Variants in PTGR3 observed in about 807,000 individuals in gnomAD.
PTGR3 encodes prostaglandin reductase 3, also known as zinc binding alcohol dehydrogenase domain containing 2.
At chr18:75,201,263 G>A in the PTGR3 span, 34 of 632,732 alleles carry the variant, frequency 5.4e-5, no homozygotes, top group Non-Finnish European at 1.8e-5. Flanking sequence ...AGAGGAGGAG[G>A]AGGAGGAGAA....
chr18:75,198,471 GAATAT>G, the PTGR3 span: 1 of 151,790 alleles, frequency 6.6e-6, no homozygotes, highest in East Asian at 1.9e-4. Context: ...ACAAGTTATA[GAATAT>G]ATCATGCAAA....
the PTGR3 span, among the ~76,000 whole-genome samples, chr18:75,204,619 T>C: frequency 6.6e-6 from 1 of 152,098 alleles, no homozygotes; most frequent in South Asian, 2.1e-4. Context: ...GCTCCAGCCG[T>C]GCAGTCCTAC....
chr18:75,207,613 C>T, the PTGR3 span, among the ~76,000 whole-genome samples: 1 of 151,736 alleles, frequency 6.6e-6, no homozygotes, highest in African/African-American at 2.4e-5. Context: ...ACCAGCCCCC[C>T]ACCCCCGCCT....
At chr18:75,195,474 G>A in the PTGR3 span, 1 of 152,210 alleles carries the variant, frequency 6.6e-6, no homozygotes, top group African/African-American at 2.4e-5. Context: ...GGAGGGCATT[G>A]GCCAGTGTTC....
At chr18:75,203,889 C>T in the PTGR3 span, among the ~76,000 whole-genome samples, 1 of 152,212 alleles carries the variant, frequency 6.6e-6, no homozygotes, top group Non-Finnish European at 1.5e-5. Context: ...ACAGCAGCAG[C>T]CCAGGGCAGA....
the PTGR3 span, chr18:75,197,633 T>G: frequency 6.6e-6 from 1 of 152,226 alleles, no homozygotes; most frequent in African/African-American, 2.4e-5. Context: ...GTTTTGTATT[T>G]TGACTTCTGA....
At chr18:75,205,493 G>C in the PTGR3 span, 3 of 985,342 alleles carry the variant, frequency 3.0e-6, no homozygotes, top group South Asian at 1.4e-4. Flanking sequence ...GAATAGGACC[G>C]GCGCAGGCAT....
chr18:75,208,851 G>A, the PTGR3 span: 2 of 1,502,618 alleles, frequency 1.3e-6, no homozygotes, highest in Non-Finnish European at 1.8e-6. Flanking sequence ...CGGGCTCACC[G>A]GTTCCGGACG....
At chr18:75,203,102 G>A in the PTGR3 span, among the ~76,000 whole-genome samples, 144 of 152,226 alleles carry the variant, frequency 9.5e-4, 1 homozygote, top group African/African-American at 3.3e-3. Context: ...AAAGCAAATC[G>A]TTACTATATT....
the PTGR3 span, chr18:75,198,352 A>G: frequency 6.6e-6 from 1 of 152,226 alleles, no homozygotes. Context: ...AGAAGCAGCT[A>G]CTTGTCACTG....
the PTGR3 span, chr18:75,201,939 C>T: frequency 6.2e-7 from 1 of 1,614,104 alleles, no homozygotes; most frequent in Non-Finnish European, 8.5e-7. Flanking sequence ...ATCAGAAGAG[C>T]AGGTTCCAAT....
the PTGR3 span, among the ~76,000 whole-genome samples, chr18:75,207,094 C>T: frequency 1.3e-5 from 2 of 152,222 alleles, no homozygotes; most frequent in African/African-American, 4.8e-5. Context: ...TAGAGAGGCC[C>T]AGGAGACCCA....
At chr18:75,208,602 T>TA in the PTGR3 span, 1 of 904,358 alleles carries the variant, frequency 1.1e-6, no homozygotes, top group Non-Finnish European at 1.4e-6. Flanking sequence ...AATCCCAAAT[T>TA]AAAATAACCC....
chr18:75,201,569 G>A, the PTGR3 span: 181 of 1,614,106 alleles, frequency 1.1e-4, 4 homozygotes, highest in Middle Eastern at 1.2e-3. Context: ...CACAAACCAG[G>A]TCTCCGCTCA....
chr18:75,207,823 T>C, the PTGR3 span, among the ~76,000 whole-genome samples: 1 of 152,238 alleles, frequency 6.6e-6, no homozygotes, highest in Non-Finnish European at 1.5e-5. Context: ...TTTACGGTAC[T>C]TTCTAGTACA....
the PTGR3 span, chr18:75,208,947 C>G: frequency 6.3e-7 from 1 of 1,592,748 alleles, no homozygotes; most frequent in Non-Finnish European, 8.5e-7. Context: ...AGCCGGGTCA[C>G]CACCAGCTTC....
chr18:75,202,140 G>C, the PTGR3 span: 1 of 1,613,960 alleles, frequency 6.2e-7, no homozygotes, highest in East Asian at 2.2e-5. Flanking sequence ...TGCAATGCTG[G>C]CAGGCACAAC....
At chr18:75,205,757 G>A in the PTGR3 span, among the ~76,000 whole-genome samples, 2 of 127,104 alleles carry the variant, frequency 1.6e-5, no homozygotes, top group Admixed American at 1.7e-4. Flanking sequence ...GAAAAAGAAA[G>A]AAAGAAACAA....
the PTGR3 span, among the ~76,000 whole-genome samples, chr18:75,204,221 C>A: frequency 1.3e-5 from 2 of 152,246 alleles, no homozygotes; most frequent in African/African-American, 4.8e-5. Context: ...GGGATGGGCG[C>A]GCCCTGGGGG....
Sources: allele counts gnomAD v4.1 joint callset (sites outside exome capture counted in the v4.1 genomes callset), GRCh38; gene constraint gnomAD v4.1.1; transcripts MANE v1.5; gene names NCBI Gene and HGNC (gene_info 2026-07-23, HGNC 2026-07-21).